Variants in ADAMTS2 observed in about 807,000 individuals in gnomAD.
ADAMTS2 encodes ADAM metallopeptidase with thrombospondin type 1 motif 2.
Under a neutral mutation model 123.0 loss-of-function variants are expected in ADAMTS2, and 50 were observed. The ratio of observed to expected loss-of-function variants is 0.41; its 90% CI spans 0.32 to 0.51. The LOEUF is 0.51. ADAMTS2 is among the 20% of genes least tolerant of loss of function. The probability of loss-of-function intolerance (pLI) is 0.35; values close to 1 mark genes in which losing one functional copy is unlikely to be tolerated. For synonymous variants in ADAMTS2, 678 were observed against 695.4 expected, an observed-to-expected ratio of 0.98 and a Z score of 0.39; for missense variants, 1,494 against 1,705.2, an observed-to-expected ratio of 0.88 and a Z score of 2.18.
intron 21 of ADAMTS2, among the ~76,000 whole-genome samples, chr5:179,114,533 C>T (rs768614921): frequency 2.0e-5 from 3 of 152,160 alleles, no homozygotes; most frequent in Non-Finnish European, 2.9e-5. Flanking sequence ...GAAGTGCTGA[C>T]ACACAAGCTG....
Position 179,153,121 on chromosome 5 carries a change from G to A in ADAMTS2, c.1515+370C>T, listed in dbSNP as rs185762170. On this transcript the variant is annotated intron_variant, in intron 9 of 21. Transcript: ENST00000251582. Reference sequence around the variant, plus strand: ...GCCGCGCTCTCCTCCAGGCCTCTGCGTCCGTGGCCTCTGCGTCCGTGGCCC... The same window carrying A: ...GCCGCGCTCTCCTCCAGGCCTCTGCATCCGTGGCCTCTGCGTCCGTGGCCC... Among the ~76,000 whole-genome samples, 1,304 of 148,746 alleles carry A rather than the reference G, an allele frequency of 8.8e-3. 14 individuals carry two copies. Among genetic ancestry groups the A allele is most frequent in the African/African-American group, 0.032 (1,241 of 38,468 alleles).
chr5:179,196,357 G>A (rs1178002755), intron 4 of ADAMTS2, among the ~76,000 whole-genome samples: 1 of 152,164 alleles, frequency 6.6e-6, no homozygotes, highest in East Asian at 1.9e-4. Context: ...TGGATTCCAC[G>A]TTCTCCATAG....
chr5:179,218,229 AC>A (rs1446044939), intron 3 of ADAMTS2, among the ~76,000 whole-genome samples: 1 of 152,242 alleles, frequency 6.6e-6, no homozygotes, highest in African/African-American at 2.4e-5. Flanking sequence ...AGCCTGGAGC[AC>A]CAGCAGCCTC....
At chr5:179,178,105 C>T (rs906383005) in intron 5 of ADAMTS2, among the ~76,000 whole-genome samples, 6 of 152,336 alleles carry the variant, frequency 3.9e-5, no homozygotes, top group Admixed American at 3.9e-4. Context: ...GAGGATATAA[C>T]TCTGTCCATC....
intron 11 of ADAMTS2, among the ~76,000 whole-genome samples, chr5:179,138,538 C>A (rs950498564): frequency 2.0e-5 from 3 of 152,248 alleles, no homozygotes; most frequent in Non-Finnish European, 4.4e-5. Context: ...GGGAACAGCA[C>A]CAACCCACAC....
intron 3 of ADAMTS2, among the ~76,000 whole-genome samples, chr5:179,250,345 T>C (rs1014198893): frequency 2.6e-5 from 4 of 152,062 alleles, no homozygotes; most frequent in African/African-American, 9.7e-5. Flanking sequence ...ATAAAAGGCA[T>C]CCACATTGCA....
intron 3 of ADAMTS2, among the ~76,000 whole-genome samples, chr5:179,267,436 C>T (rs1026832084): frequency 1.3e-5 from 2 of 152,238 alleles, no homozygotes. Flanking sequence ...GGCTTGGCAC[C>T]GGCGGTGTCT....
intron 5 of ADAMTS2, among the ~76,000 whole-genome samples, chr5:179,163,914 G>A (rs1408087445): frequency 6.6e-6 from 1 of 152,150 alleles, no homozygotes; most frequent in African/African-American, 2.4e-5. Context: ...TGAGGAGGGG[G>A]CAGAGGGGAG....
intron 5 of ADAMTS2, among the ~76,000 whole-genome samples, chr5:179,161,903 T>C (rs1763598658): frequency 6.6e-6 from 1 of 152,078 alleles, no homozygotes; most frequent in Non-Finnish European, 1.5e-5. Context: ...AAATTGCCAG[T>C]CCAAATCCAA....
intron 2 of ADAMTS2, among the ~76,000 whole-genome samples, chr5:179,291,508 C>G (rs1407320914): frequency 6.6e-6 from 1 of 152,188 alleles, no homozygotes; most frequent in African/African-American, 2.4e-5. Flanking sequence ...ACATCATGCT[C>G]TCCTCCCAGG....
At chr5:179,124,952 C>G (rs199770691) in intron 19 of ADAMTS2, 21 bp downstream of exon 19, 1 of 1,600,276 alleles carries the variant, frequency 6.2e-7, no homozygotes, top group South Asian at 1.1e-5. Context: ...GCTGAGGACA[C>G]GGGATCGGGG....
intron 2 of ADAMTS2, among the ~76,000 whole-genome samples, chr5:179,311,889 C>T (rs947365649): frequency 1.3e-5 from 2 of 152,198 alleles, no homozygotes; most frequent in African/African-American, 2.4e-5. Context: ...GAATAAAGTC[C>T]GCCTTACCGC....
chr5:179,207,307 T>C lies in ADAMTS2; in HGVS notation c.891+206A>G, dbSNP rs116500638. ...CACCAAGTTACCATCACCCACGATG[T>C]GCAGACGAGAGAACTGAGGTCAGGG... On this transcript the variant is annotated intron_variant, in intron 4 of 21. Transcript: ENST00000251582. Among the ~76,000 whole-genome samples, 212 of 152,314 alleles carry C rather than the reference T, an allele frequency of 1.4e-3. 2 individuals are homozygous for C. Among genetic ancestry groups the C allele is most frequent in the African/African-American group, 5.1e-3 (210 of 41,576 alleles).
Position 179,155,874 on chromosome 5 carries a change from G to A in ADAMTS2, c.1133-955C>T, listed in dbSNP as rs60025060. On this transcript the variant is annotated intron_variant, in intron 6 of 21. Coordinates refer to ENST00000251582, the MANE Select transcript of ADAMTS2 (RefSeq NM_014244.5). This position sits in a 1 kb window ranked among gnomAD's most constrained non-coding sequence, Gnocchi z 5.1. The stretch of plus-strand genomic sequence containing the variant: ...CCCCACTGAGAGACCCTGAGGCCAC[G>A]CGTTCCACAGAGAAGGGAAGGAGGG... Among the ~76,000 whole-genome samples, 1 of 152,048 alleles carries A rather than the reference G, an allele frequency of 6.6e-6. No homozygotes were observed. The highest frequency in any genetic ancestry group is 1.5e-5 in the Non-Finnish European group (1 of 68,006).
rs35462609 is a variant in ADAMTS2, at chr5:179,181,111, G to A, written c.936C>T (p.Asn312=). The A allele has an allele frequency of 0.035, 56,945 of 1,613,766 alleles. 1,240 individuals are homozygous for A. Among genetic ancestry groups the A allele is most frequent in the Non-Finnish European group, 0.042 (49,042 of 1,179,788 alleles). The change falls in exon 5 of 22, where the codon AAC becomes AAT. Residue 312 remains asparagine (N), a synonymous_variant. Coordinates refer to ENST00000251582, the MANE Select transcript of ADAMTS2 (RefSeq NM_014244.5). This position sits in a 1 kb window ranked among gnomAD's most constrained non-coding sequence, Gnocchi z 4.1. ...YHDESLGAHI[N]VVLVRIILLS... ...GGAGGATGATCCGCACCAGGACCAC[G>A]TTGATGTGGGCACCCAAGGACTCGT...
At chr5:179,182,480 T>C (rs1328772290) in intron 4 of ADAMTS2, among the ~76,000 whole-genome samples, 2 of 152,086 alleles carry the variant, frequency 1.3e-5, no homozygotes, top group East Asian at 3.9e-4. Flanking sequence ...GGAAGGCACC[T>C]CAGGAAACCC....
chr5:179,295,944 G>C (rs925499236), intron 2 of ADAMTS2, among the ~76,000 whole-genome samples: 1 of 152,232 alleles, frequency 6.6e-6, no homozygotes, highest in Non-Finnish European at 1.5e-5. Flanking sequence ...AGGAGGGAAG[G>C]CTCCTCCAAC....
intron 5 of ADAMTS2, among the ~76,000 whole-genome samples, chr5:179,163,945 G>T (rs1763648241): frequency 6.6e-6 from 1 of 152,120 alleles, no homozygotes; most frequent in Non-Finnish European, 1.5e-5. Flanking sequence ...CATGGGCACA[G>T]GGAGGGGAAG....
chr5:179,294,144 T>C (rs946444628), intron 2 of ADAMTS2, among the ~76,000 whole-genome samples: 6 of 152,096 alleles, frequency 3.9e-5, no homozygotes, highest in Non-Finnish European at 8.8e-5. Context: ...TGGTCCCAGC[T>C]ACTTGGGAGG....
Sources: allele counts gnomAD v4.1 joint callset (sites outside exome capture counted in the v4.1 genomes callset), GRCh38; gene constraint gnomAD v4.1.1; non-coding constraint Gnocchi (gnomAD v3.1); transcripts MANE v1.5; gene names NCBI Gene and HGNC (gene_info 2026-07-23, HGNC 2026-07-21).